The following PIAS1 variants were observed in gnomAD, a reference collection of about 807,000 sequenced individuals.
PIAS1 encodes E3 SUMO-protein ligase PIAS1.
In PIAS1, 6 loss-of-function variants were observed where a neutral mutation model predicts 71.3. The observed-to-expected ratio is 0.08, with a 90% CI of 0.05 to 0.17. The LOEUF (loss-of-function observed/expected upper bound fraction) is 0.17. PIAS1 is among the 10% of genes least tolerant of loss of function. The pLI, the probability that PIAS1 is intolerant of heterozygous loss-of-function variation, is 1.00. For synonymous variants in PIAS1, 303 were observed against 292.9 expected (o/e 1.03, Z -0.35); for missense variants, 555 against 793.6 (o/e 0.70, Z 3.61).
At chr15:68,165,249 G>C (rs909808389) in intron 8 of PIAS1, among the ~76,000 whole-genome samples, 3 of 152,132 alleles carry the variant, frequency 2.0e-5, no homozygotes, top group Non-Finnish European at 4.4e-5. Context: ...AGCCTCCTGA[G>C]TAGCTGGGAT....
intron 1 of PIAS1, among the ~76,000 whole-genome samples, chr15:68,068,190 T>C (rs969146419): frequency 6.6e-6 from 1 of 152,090 alleles, no homozygotes; most frequent in African/African-American, 2.4e-5. Context: ...CTGGGCGATA[T>C]GACAAAAACC....
At chr15:68,169,099 G>GA (rs2092974757) in intron 8 of PIAS1, among the ~76,000 whole-genome samples, 7 of 152,100 alleles carry the variant, frequency 4.6e-5, no homozygotes, top group African/African-American at 1.7e-4. Flanking sequence ...CATAAACCTT[G>GA]TGTACTATTA....
chr15:68,087,103 G>C (rs1349434948), intron 2 of PIAS1, among the ~76,000 whole-genome samples: 3 of 152,008 alleles, frequency 2.0e-5, no homozygotes, highest in Non-Finnish European at 2.9e-5. Context: ...AATTTTCAGG[G>C]GTTGATGATC....
Position 68,066,354 on chromosome 15 carries a change from C to T in PIAS1, c.24+12004C>T, listed in dbSNP as rs2092026026. ...GAACTGCTGACCTCAGATCATCCAC[C>T]TGCCTCAGCCTCCCAAAGTGCTGGG... On this transcript the variant is annotated intron_variant, in intron 1 of 13. Coordinates refer to ENST00000249636, the MANE Select transcript of PIAS1 (RefSeq NM_016166.3). Among the ~76,000 whole-genome samples, 2 of 152,034 alleles carry T rather than the reference C, an allele frequency of 1.3e-5. 1 individual carries two copies. Among genetic ancestry groups the T allele is most frequent in the African/African-American group, 4.8e-5 (2 of 41,390 alleles).
chr15:68,152,641 G>A (rs368025116), intron 6 of PIAS1, among the ~76,000 whole-genome samples: 6 of 152,154 alleles, frequency 3.9e-5, no homozygotes, highest in African/African-American at 1.4e-4. Flanking sequence ...GAAGTAGGCA[G>A]CGTATGTTAA....
intron 2 of PIAS1, among the ~76,000 whole-genome samples, chr15:68,114,106 G>C (rs937567659): frequency 6.6e-6 from 1 of 150,864 alleles, no homozygotes; most frequent in African/African-American, 2.4e-5. Flanking sequence ...GGTATAAAAA[G>C]CAAATTATTA....
At chr15:68,151,208 T>C (rs1454005173) in intron 6 of PIAS1, among the ~76,000 whole-genome samples, 1 of 152,098 alleles carries the variant, frequency 6.6e-6, no homozygotes, top group Non-Finnish European at 1.5e-5. Flanking sequence ...ACCTCTTTCA[T>C]ATGATGTAAA....
chr15:68,108,603 C>T (rs2092493302), intron 2 of PIAS1, among the ~76,000 whole-genome samples: 1 of 152,160 alleles, frequency 6.6e-6, no homozygotes, highest in Admixed American at 6.5e-5. Flanking sequence ...CATCCGACTG[C>T]CTGCTTTATA....
rs964405968 is a variant in PIAS1, at chr15:68,191,854, A to C, written c.*4019A>C. On this transcript the variant is annotated 3_prime_UTR_variant, in exon 14 of 14. Transcript: ENST00000249636. ...AGGTTTGAATCAAACACTTAATAGG[A>C]TCTTAGACTCTGGACCACTGAATCC... 1 of 152,162 alleles carries C rather than the reference A, an allele frequency of 6.6e-6. No individual in the cohort carries two copies. The highest frequency in any genetic ancestry group is 2.1e-4 in the South Asian group (1 of 4,826). 9.4% of individuals were successfully genotyped at this position (152,162 alleles called of 1,614,324 possible).
chr15:68,142,361 A>G (rs1430873448), intron 4 of PIAS1, 24 bp downstream of exon 4: 1 of 1,531,714 alleles, frequency 6.5e-7, no homozygotes, highest in African/African-American at 1.4e-5. Context: ...TATAGGATAT[A>G]TTCAAAGTTT....
At chr15:68,183,166 G>A (rs950541361) in intron 12 of PIAS1, among the ~76,000 whole-genome samples, 1 of 152,128 alleles carries the variant, frequency 6.6e-6, no homozygotes, top group Non-Finnish European at 1.5e-5. Flanking sequence ...TAGCAAATGA[G>A]CAAATTTAAG....
At chr15:68,135,018 G>T (rs2092715689) in intron 2 of PIAS1, among the ~76,000 whole-genome samples, 1 of 45,870 alleles carries the variant, frequency 2.2e-5, no homozygotes, top group African/African-American at 4.5e-5. Flanking sequence ...GGGCAGAGGG[G>T]CTCCTCACTT....
At chr15:68,099,204 A>T (rs1249506729) in intron 2 of PIAS1, among the ~76,000 whole-genome samples, 2 of 150,868 alleles carry the variant, frequency 1.3e-5, no homozygotes, top group African/African-American at 4.9e-5. Flanking sequence ...TTTATTTATG[A>T]GCGGAGTTTT....
At chr15:68,147,968 T>G (rs2092819742) in intron 6 of PIAS1, among the ~76,000 whole-genome samples, 1 of 152,302 alleles carries the variant, frequency 6.6e-6, no homozygotes, top group African/African-American at 2.4e-5. Flanking sequence ...TGAAATTTAT[T>G]GAATGCTTAC....
chr15:68,181,589 T>G (rs1320964101), intron 12 of PIAS1: 2 of 422,512 alleles, frequency 4.7e-6, no homozygotes, highest in Non-Finnish European at 8.7e-6. Flanking sequence ...GCAATAATCT[T>G]TAGTTTTTGT....
chr15:68,098,670 A>G (rs1007694298), intron 2 of PIAS1, among the ~76,000 whole-genome samples: 3 of 152,052 alleles, frequency 2.0e-5, no homozygotes, highest in African/African-American at 7.2e-5. Flanking sequence ...TTCTTTTTAT[A>G]TTTTTACTGG....
chr15:68,179,089 A>G (rs888406166), intron 11 of PIAS1, among the ~76,000 whole-genome samples: 2 of 152,238 alleles, frequency 1.3e-5, no homozygotes, highest in East Asian at 1.9e-4. Flanking sequence ...CAACACTAGT[A>G]GCCATTTTAT....
At chr15:68,109,815 A>G (rs368249304) in intron 2 of PIAS1, among the ~76,000 whole-genome samples, 28 of 152,208 alleles carry the variant, frequency 1.8e-4, no homozygotes, top group African/African-American at 3.1e-4. Flanking sequence ...AAAAATGTCT[A>G]TTCAGGGAAT....
chr15:68,153,785 TTATTCACTGGAGCCTGTTGTGTAG>T, intron 7 of PIAS1, 90 bp downstream of exon 7: 1 of 689,148 alleles, frequency 1.5e-6, no homozygotes, highest in Non-Finnish European at 2.6e-6. Flanking sequence ...TAGAATTTGT[TTATTCACTGGAGCCTGTTGTGTAG>T]TTCTTAGAGT....
Sources: allele counts gnomAD v4.1 joint callset (sites outside exome capture counted in the v4.1 genomes callset), GRCh38; gene constraint gnomAD v4.1.1; transcripts MANE v1.5; gene names NCBI Gene and HGNC (gene_info 2026-07-23, HGNC 2026-07-21).